CRYBG1: variants seen among roughly 807,000 people sequenced by gnomAD.
CRYBG1 encodes the protein crystallin beta-gamma domain containing 1, also known as beta/gamma crystallin domain-containing protein 1.
A neutral mutation model predicts 189.2 loss-of-function variants in CRYBG1; 139 were observed. The observed-to-expected ratio is 0.73, with a 90% CI of 0.64 to 0.85. CRYBG1 has a LOEUF of 0.85. Ranked by LOEUF, CRYBG1 falls within the 40% of genes least tolerant of loss-of-function variation. The pLI is 0.00. For missense variants in CRYBG1, 2,611 were observed against 2,675.8 expected (o/e 0.98, Z 0.53); for synonymous variants, 1,023 against 1,017.1 (o/e 1.01, Z -0.11).
At chr6:106,517,327 TACACATATATATATAC>T (rs1773449041) in intron 3 of CRYBG1, among the ~76,000 whole-genome samples, 1 of 117,038 alleles carries the variant, frequency 8.5e-6, no homozygotes, top group Non-Finnish European at 1.8e-5. Context: ...CATATATATA[TACACATATATATATAC>T]ACACACATAT....
At chr6:106,371,263 G>C (rs1770020804) in intron 1 of CRYBG1, among the ~76,000 whole-genome samples, 1 of 152,206 alleles carries the variant, frequency 6.6e-6, no homozygotes, top group South Asian at 2.1e-4. Context: ...CACAGCTTGA[G>C]TTTTTGCATC....
chr6:106,401,292 A>G (rs1187408351), intron 1 of CRYBG1, among the ~76,000 whole-genome samples: 1 of 152,066 alleles, frequency 6.6e-6, no homozygotes, highest in African/African-American at 2.4e-5. Flanking sequence ...CGGATTATCT[A>G]CTACAGAGAG....
At chr6:106,450,900 A>G (rs1351757874) in intron 1 of CRYBG1, among the ~76,000 whole-genome samples, 1 of 152,200 alleles carries the variant, frequency 6.6e-6, no homozygotes, top group African/African-American at 2.4e-5. Flanking sequence ...GGTCAGGGAG[A>G]CATCAATCAA....
At chr6:106,535,536 A>G (rs1185700568) in intron 8 of CRYBG1, among the ~76,000 whole-genome samples, 1 of 152,198 alleles carries the variant, frequency 6.6e-6, no homozygotes, top group Non-Finnish European at 1.5e-5. Flanking sequence ...CATAAGTATC[A>G]TTATTACACT....
chr6:106,560,978 G>A (rs749272512), intron 19 of CRYBG1, 52 bp downstream of exon 19: 1 of 1,500,754 alleles, frequency 6.7e-7, no homozygotes, highest in Non-Finnish European at 8.9e-7. Flanking sequence ...AAATTTTTTT[G>A]TAAATGCAAT....
At chr6:106,395,935 CAT>C (rs958855367) in intron 1 of CRYBG1, among the ~76,000 whole-genome samples, 1 of 152,180 alleles carries the variant, frequency 6.6e-6, no homozygotes, top group Non-Finnish European at 1.5e-5. Flanking sequence ...AGGCATTGGT[CAT>C]GTTTCCGCTT....
intron 4 of CRYBG1, among the ~76,000 whole-genome samples, chr6:106,524,814 G>C (rs1356398437): frequency 1.3e-5 from 2 of 152,124 alleles, no homozygotes; most frequent in South Asian, 4.1e-4. Flanking sequence ...ATTTGAATTA[G>C]AATCTCTTAG....
At position 106,520,184 on chromosome 6, in the gene CRYBG1, T is replaced by G. The variant is rs372727145; in HGVS notation, c.2976T>G (p.Asn992Lys). The G allele has an allele frequency of 1.6e-5, 26 of 1,614,022 alleles. No individual in the cohort carries two copies. The highest frequency in any genetic ancestry group is 4.4e-5 in the South Asian group (4 of 91,090). The change falls in exon 4 of 22, where the codon AAT (asparagine) becomes AAG (lysine). Residue 992 changes from asparagine (N) to lysine (K), a missense_variant. Around this residue, in one of 3 missense-constraint regions of CRYBG1, gnomAD observed 1,622 missense variants for 1,735.0 expected, o/e 0.93. Coordinates refer to ENST00000633556, the MANE Select transcript of CRYBG1 (RefSeq NM_001371242.2). ...REVQLPTCHS[N>K]EPEVVSVASC... ...TGCAGTTGCCAACTTGTCACAGTAA[T>G]GAACCTGAAGTGGTTTCCGTTGCAA...
chr6:106,532,147 G>A (rs537605976), intron 8 of CRYBG1, among the ~76,000 whole-genome samples: 48 of 151,588 alleles, frequency 3.2e-4, no homozygotes, highest in South Asian at 1.0e-3. Flanking sequence ...CCTCAAACAC[G>A]TATTATTTCT....
intron 1 of CRYBG1, among the ~76,000 whole-genome samples, chr6:106,414,291 G>A (rs1305589455): frequency 6.6e-6 from 1 of 152,244 alleles, no homozygotes; most frequent in Non-Finnish European, 1.5e-5. Context: ...TTGCTCCTTT[G>A]GGAGAAAGAA....
intron 1 of CRYBG1, among the ~76,000 whole-genome samples, chr6:106,439,737 G>GAAAA (rs397951158): frequency 1.0e-4 from 15 of 143,528 alleles, no homozygotes; most frequent in South Asian, 2.2e-4. Flanking sequence ...ATCCCTGACT[G>GAAAA]AAAAAAAAAA....
Position 106,511,979 on chromosome 6 carries a change from GA to G in CRYBG1, c.863del (p.Glu288GlyfsTer6), listed in dbSNP as rs774999354. On this transcript the variant is annotated frameshift_variant, in exon 3 of 22. Coordinates refer to ENST00000633556, the MANE Select transcript of CRYBG1 (RefSeq NM_001371242.2). LOFTEE classifies it high-confidence loss of function. Reference protein sequence around the residue: ...DASPGAGHEQEAFLGVRGAPG... With the variant: ...DASPGAGHEQXAFLGVRGAPG... ...TTCACCAGGTGCTGGCCACGAACAG[GA>G]GGCTTTCCTGGGTGTGAGGGGTGCG... 4.6e-6 allele frequency: 7 copies of G among 1,530,060 alleles called. No homozygotes were observed. In the South Asian group the frequency reaches 8.4e-5, roughly 18 times the overall value. 94.8% of individuals were successfully genotyped at this position (1,530,060 alleles called of 1,614,324 possible).
At chr6:106,545,072 T>A in intron 13 of CRYBG1, 139 bp downstream of exon 13, 1 of 696,588 alleles carries the variant, frequency 1.4e-6, no homozygotes, top group Non-Finnish European at 2.3e-6. Flanking sequence ...CATTTAATAG[T>A]TGCTGTCATG....
intron 2 of CRYBG1, among the ~76,000 whole-genome samples, chr6:106,482,544 G>C (rs1165773152): frequency 1.3e-5 from 2 of 151,914 alleles, no homozygotes; most frequent in Non-Finnish European, 2.9e-5. Context: ...GGGAGGCCGA[G>C]GGGGGTGAAT....
intron 21 of CRYBG1, among the ~76,000 whole-genome samples, chr6:106,566,375 C>G (rs9486402): frequency 0.15 from 22,243 of 151,052 alleles, 2,236 homozygotes; most frequent in African/African-American, 0.29. Context: ...CTAAATGACA[C>G]TATATAAATT....
chr6:106,530,315 C>T lies in CRYBG1; in HGVS notation c.4718C>T (p.Thr1573Met), dbSNP rs78055257. The change falls in exon 8 of 22, where the codon ACG (threonine) becomes ATG (methionine). Residue 1573 changes from threonine (T) to methionine (M), a missense_variant and splice_region_variant. This residue lies in a region of CRYBG1 where 1,622 missense variants were observed against 1,735.0 expected (regional missense o/e 0.93). Transcript: ENST00000633556. The stretch of plus-strand genomic sequence containing the variant: ...TGTTCCATGAAAGTACATTGGGGCA[C>T]GTAAGTATTTTTTTTTCAAACAAAT... ...KTCSMKVHWGTWLIYEEPGFQ... is the reference protein window; with the variant it reads ...KTCSMKVHWGMWLIYEEPGFQ... The T allele has an allele frequency of 4.3e-3, 6,799 of 1,591,870 alleles. 38 individuals are homozygous for T. The highest frequency in any genetic ancestry group is 4.5e-3 in the Non-Finnish European group (5,285 of 1,170,672).
At chr6:106,533,350 C>T (rs1433724449) in intron 8 of CRYBG1, among the ~76,000 whole-genome samples, 8 of 152,240 alleles carry the variant, frequency 5.3e-5, no homozygotes, top group Non-Finnish European at 1.0e-4. Flanking sequence ...AGGGATAAGA[C>T]AGGGCTCAGG....
chr6:106,450,802 T>A (rs772447142), intron 1 of CRYBG1, among the ~76,000 whole-genome samples: 1 of 152,186 alleles, frequency 6.6e-6, no homozygotes, highest in Non-Finnish European at 1.5e-5. Flanking sequence ...TAGAAGACCT[T>A]TTCCCCCATT....
chr6:106,393,021 C>T (rs62420788), intron 1 of CRYBG1, among the ~76,000 whole-genome samples: 30,043 of 152,150 alleles, frequency 0.2, 3,419 homozygotes, highest in Non-Finnish European at 0.25. Flanking sequence ...GTGATCCGCT[C>T]ACCTTGGCCT....
Sources: allele counts gnomAD v4.1 joint callset (sites outside exome capture counted in the v4.1 genomes callset), GRCh38; gene constraint gnomAD v4.1.1; regional missense constraint gnomAD v4.1.1; transcripts MANE v1.5; gene names NCBI Gene and HGNC (gene_info 2026-07-23, HGNC 2026-07-21).